KIF5A: variants seen among roughly 807,000 people sequenced by gnomAD.
KIF5A encodes the protein kinesin heavy chain isoform 5A.
Under a neutral mutation model 141.3 loss-of-function variants are expected in KIF5A, and 35 were observed. The ratio of observed to expected loss-of-function variants is 0.25; its 90% CI spans 0.19 to 0.33. The LOEUF is 0.33. Ranked by LOEUF, KIF5A falls within the 10% of genes least tolerant of loss-of-function variation. The pLI is 1.00. For missense variants in KIF5A, 861 were observed against 1,314.3 expected (o/e 0.66, Z 5.33); for synonymous variants, 448 against 500.2 (o/e 0.90, Z 1.39).
rs536469610 is a variant in KIF5A at position 57,575,981 on chromosome 12, T to C, written c.2024-106T>C. The C allele has an allele frequency of 6.8e-4, 747 of 1,092,234 alleles. 3 individuals carry two copies. The African/African-American group carries it at 9.9e-3, about 14-fold the overall frequency. The allele number at this position is 1,092,234 out of a possible 1,614,324, so 67.7% of individuals were successfully genotyped here. Reference sequence around the variant, plus strand: ...TGGACAGTCCTAACACAGAAGAACATCCCTGTGGGTCCATTCCCAGCCCTG... The same window carrying C: ...TGGACAGTCCTAACACAGAAGAACACCCCTGTGGGTCCATTCCCAGCCCTG... On this transcript the variant is annotated intron_variant, in intron 17 of 28. Transcript: ENST00000455537.
In KIF5A at chr12:57,582,016, G is replaced by C; in HGVS notation, c.2992+64G>C. On this transcript the variant is annotated intron_variant, in intron 26 of 28. Transcript: ENST00000455537. ...TCAGGGCAAGTTGAGAGGCATAAAA[G>C]TAAGTGACCTTAGTGTACAAAAAAC... 3 of 1,313,442 alleles carry C rather than the reference G, an allele frequency of 2.3e-6. No individual in the cohort carries two copies. In the South Asian group the frequency reaches 3.5e-5, roughly 16 times the overall value. 81.4% of individuals were successfully genotyped at this position (1,313,442 alleles called of 1,614,324 possible).
chr12:57,555,616 A>T (rs1311209828), intron 1 of KIF5A, among the ~76,000 whole-genome samples: 1 of 151,600 alleles, frequency 6.6e-6, no homozygotes, highest in Non-Finnish European at 1.5e-5. Flanking sequence ...AATAAAAATT[A>T]AAAAAACAAA....
In KIF5A at chr12:57,581,444, G is replaced by A. The variant is rs1420407259; in HGVS notation, c.2785G>A (p.Ala929Thr). The change falls in exon 25 of 29, where the codon GCA becomes ACA. Residue 929 changes from alanine (A) to threonine (T), a missense_variant. Ala to Thr is a moderately conservative substitution (Grantham distance 58). This residue lies in a region of KIF5A where 482 missense variants were observed against 661.3 expected (regional missense o/e 0.73). Coordinates refer to ENST00000455537, the MANE Select transcript of KIF5A (RefSeq NM_004984.4). The part of the protein sequence containing the change: ...AKPVRPGHYP[A>T]SSPTNPYGTR... Reference sequence around the variant, plus strand: ...ACCCGTCCGGCCTGGCCACTACCCAGCATCCTCACCCACCAACCCCTATGG... The same window carrying A: ...ACCCGTCCGGCCTGGCCACTACCCAACATCCTCACCCACCAACCCCTATGG... The A allele has an allele frequency of 1.9e-6, 3 of 1,613,824 alleles. No individual in the cohort carries two copies. Among genetic ancestry groups the A allele is most frequent in the East Asian group, 2.2e-5 (1 of 44,880 alleles).
At chr12:57,579,067 T>TA (rs957169886) in intron 23 of KIF5A, among the ~76,000 whole-genome samples, 6 of 150,462 alleles carry the variant, frequency 4.0e-5, no homozygotes, top group South Asian at 2.1e-4. Context: ...CTGTTTCAAT[T>TA]AAAAAAAAAT....
chr12:57,561,313 T>C (rs1881903737), intron 1 of KIF5A, among the ~76,000 whole-genome samples: 1 of 152,196 alleles, frequency 6.6e-6, no homozygotes, highest in Non-Finnish European at 1.5e-5. Context: ...GTGCTGGGAT[T>C]ACATGCATGA....
chr12:57,577,335 C>G (rs1019510757), intron 20 of KIF5A, among the ~76,000 whole-genome samples: 1 of 152,146 alleles, frequency 6.6e-6, no homozygotes, highest in Non-Finnish European at 1.5e-5. Context: ...TGGCTTACAC[C>G]TATAATCTCA....
At chr12:57,575,569 T>G in intron 16 of KIF5A, 71 bp from the exon 17 acceptor site, 13 of 1,257,958 alleles carry the variant, frequency 1.0e-5, no homozygotes, top group Non-Finnish European at 1.4e-5. Context: ...GAGCTGGAGT[T>G]GGAGATCTGT....
chr12:57,569,301 C>T lies in KIF5A; in HGVS notation c.865C>T (p.Gln289Ter). Residue 289 changes from glutamine to a stop codon, truncating the protein, a stop_gained, in exon 10 of 29, where the codon CAG becomes TAG. Coordinates refer to ENST00000455537, the MANE Select transcript of KIF5A (RefSeq NM_004984.4). LOFTEE classifies it high-confidence loss of function. ...TGACAGCAAAATGACAAGGATTCTC[C>T]AGGACTCTCTCGGGGGAAACTGCCG... is the stretch of plus-strand genomic sequence containing the variant. ...YRDSKMTRIL[Q>*]DSLGGNCRTT... 1 of 1,613,892 alleles carries T rather than the reference C, an allele frequency of 6.2e-7. No individual in the cohort carries two copies. The highest frequency in any genetic ancestry group is 8.5e-7 in the Non-Finnish European group (1 of 1,179,926).
intron 1 of KIF5A, among the ~76,000 whole-genome samples, chr12:57,556,450 T>C (rs1216293027): frequency 5.9e-5 from 9 of 152,062 alleles, no homozygotes; most frequent in Non-Finnish European, 1.2e-4. Context: ...CTCTTGGGTA[T>C]CTTTTAGACT....
chr12:57,560,222 G>C (rs1012336306), intron 1 of KIF5A, among the ~76,000 whole-genome samples: 1 of 152,106 alleles, frequency 6.6e-6, no homozygotes, highest in African/African-American at 2.4e-5. Flanking sequence ...TAACAGTGAG[G>C]AATAAAATAT....
chr12:57,582,661 T>G (rs1483690314), intron 27 of KIF5A, 32 bp downstream of exon 27: 4 of 1,571,546 alleles, frequency 2.5e-6, no homozygotes, highest in Admixed American at 1.7e-5. Flanking sequence ...CTGGGTTCTC[T>G]GGGTGGGACC....
intron 1 of KIF5A, among the ~76,000 whole-genome samples, chr12:57,553,243 G>T (rs1881632492): frequency 6.6e-6 from 1 of 151,766 alleles, no homozygotes; most frequent in African/African-American, 2.4e-5. Flanking sequence ...TGACAGTGAA[G>T]AAACACATAC....
intron 12 of KIF5A, among the ~76,000 whole-genome samples, chr12:57,570,919 A>C (rs1882233929): frequency 1.3e-5 from 2 of 151,662 alleles, no homozygotes; most frequent in South Asian, 4.2e-4. Flanking sequence ...CAGCCTCTGA[A>C]AGAGCTGGGA....
At chr12:57,551,893 TC>T (rs1881586474) in intron 1 of KIF5A, among the ~76,000 whole-genome samples, 1 of 152,026 alleles carries the variant, frequency 6.6e-6, no homozygotes, top group African/African-American at 2.4e-5. Flanking sequence ...TCTCTCTCTC[TC>T]TCTCTCTCTC....
At chr12:57,576,698 C>G in intron 19 of KIF5A, 63 bp from the exon 20 acceptor site, 4 of 1,200,670 alleles carry the variant, frequency 3.3e-6, no homozygotes, top group Non-Finnish European at 5.0e-6. Flanking sequence ...GAAGAGCTGG[C>G]CTTCCCTTCC....
Position 57,550,075 on chromosome 12 carries a change from GC to G in KIF5A, c.-194del, listed in dbSNP as rs1881518062. 1 of 639,890 alleles carries G rather than the reference GC, an allele frequency of 1.6e-6. No individual in the cohort carries two copies. The highest frequency in any genetic ancestry group is 2.7e-6 in the Non-Finnish European group (1 of 368,968). The allele number at this position is 639,890 out of a possible 1,614,324, so 39.6% of individuals were successfully genotyped here. On this transcript the variant is annotated 5_prime_UTR_variant, in exon 1 of 29. Transcript: ENST00000455537. This position sits in a 1 kb window ranked among gnomAD's most constrained non-coding sequence, Gnocchi z 4.6. ...CCCGAAAGGACCAGACGCCCAGGTCGCCCGCATCCCGCTGCCGCAGGAGAGA... is the reference window on the plus strand; with the variant it reads ...CCCGAAAGGACCAGACGCCCAGGTCGCCGCATCCCGCTGCCGCAGGAGAGA...
Position 57,572,511 on chromosome 12 carries a change from G to A in KIF5A, c.1570-69G>A. 6.2e-7 allele frequency: 1 copy of A among 1,600,910 alleles called. No homozygotes were observed. ...CCTCAGGGTCTTGCATGAAGGGAGA[G>A]GCCTCTGCCTGGGCTGGGCAAGGGA... On this transcript the variant is annotated intron_variant, in intron 14 of 28. Transcript: ENST00000455537. This position sits in a 1 kb window ranked among gnomAD's most constrained non-coding sequence, Gnocchi z 4.2.
chr12:57,568,920 T>C, intron 8 of KIF5A, 43 bp from the exon 9 acceptor site: 2 of 1,372,822 alleles, frequency 1.5e-6, no homozygotes, highest in Middle Eastern at 1.8e-4. Context: ...GCCCTCTCCA[T>C]GTGCAGCTGC....
chr12:57,562,379 C>A (rs992755218), intron 1 of KIF5A, among the ~76,000 whole-genome samples: 1 of 152,216 alleles, frequency 6.6e-6, no homozygotes, highest in Non-Finnish European at 1.5e-5. Context: ...CCACGCCCAG[C>A]TAATTTTTGT....
Sources: gnomAD v4.1 joint callset for allele counts (sites outside exome capture counted in the v4.1 genomes callset) on GRCh38, gnomAD v4.1.1 for gene constraint, gnomAD v4.1.1 regional missense constraint, Gnocchi (gnomAD v3.1) non-coding constraint, MANE v1.5 for transcripts, NCBI Gene and HGNC (gene_info 2026-07-23, HGNC 2026-07-21) for gene names.